The following SUCLG2 variants were observed in gnomAD, a reference collection of about 807,000 sequenced individuals.
SUCLG2 encodes the protein succinate--CoA ligase [GDP-forming] subunit beta, mitochondrial.
Under a neutral mutation model 47.9 loss-of-function variants are expected in SUCLG2, and 42 were observed. The ratio of observed to expected loss-of-function variants is 0.88; its 90% confidence interval spans 0.69 to 1.14. SUCLG2 has a LOEUF of 1.14. SUCLG2 is among the 50% of genes most tolerant of loss of function. The probability of loss-of-function intolerance (pLI) is 0.00; values close to 1 mark genes in which losing one functional copy is unlikely to be tolerated. For missense variants in SUCLG2, 571 were observed against 525.9 expected (o/e 1.09, Z -0.84); for synonymous variants, 195 against 197.3 (o/e 0.99, Z 0.10).
intron 9 of SUCLG2, among the ~76,000 whole-genome samples, chr3:67,458,264 A>G (rs977362310): frequency 6.6e-6 from 1 of 152,194 alleles, no homozygotes. Context: ...GTGGTTTGCT[A>G]TGCAGAAATA....
At chr3:67,648,632 G>A (rs1467387173) in intron 1 of SUCLG2, among the ~76,000 whole-genome samples, 2 of 152,162 alleles carry the variant, frequency 1.3e-5, no homozygotes, top group African/African-American at 2.4e-5. Context: ...CAGTGATGTT[G>A]TAAGGGTTAA....
intron 2 of SUCLG2, among the ~76,000 whole-genome samples, chr3:67,563,909 G>A (rs1314223747): frequency 6.8e-6 from 1 of 147,554 alleles, no homozygotes; most frequent in African/African-American, 2.5e-5. Flanking sequence ...GCAGTGAGCG[G>A]AGATCTCGCT....
chr3:67,499,848 C>T (rs867024754), intron 7 of SUCLG2, among the ~76,000 whole-genome samples: 2 of 152,082 alleles, frequency 1.3e-5, no homozygotes, highest in South Asian at 4.2e-4. Flanking sequence ...TCTCCTGCCT[C>T]AGTCTCCCAA....
At chr3:67,644,004 T>C (rs1701148035) in intron 1 of SUCLG2, among the ~76,000 whole-genome samples, 1 of 152,184 alleles carries the variant, frequency 6.6e-6, no homozygotes, top group Admixed American at 6.5e-5. Context: ...TGTGCTGCAT[T>C]TGACCCACTG....
intron 7 of SUCLG2, among the ~76,000 whole-genome samples, chr3:67,498,713 T>C (rs62256398): frequency 0.022 from 3,420 of 152,330 alleles, 56 homozygotes; most frequent in Non-Finnish European, 0.037. Flanking sequence ...TTTTGTCCCC[T>C]ATTGTCCTTT....
At chr3:67,542,002 G>A (rs1290292638) in intron 2 of SUCLG2, among the ~76,000 whole-genome samples, 1 of 151,728 alleles carries the variant, frequency 6.6e-6, no homozygotes, top group African/African-American at 2.4e-5. Flanking sequence ...CCAAGTAGCT[G>A]AGCTGGGATT....
intron 2 of SUCLG2, among the ~76,000 whole-genome samples, chr3:67,550,495 C>A (rs921669731): frequency 6.6e-6 from 1 of 152,108 alleles, no homozygotes; most frequent in Non-Finnish European, 1.5e-5. Flanking sequence ...CACAAGTGCA[C>A]ACCACCATGC....
intron 9 of SUCLG2, among the ~76,000 whole-genome samples, chr3:67,446,776 A>C (rs934419319): frequency 1.1e-4 from 17 of 151,958 alleles, no homozygotes; most frequent in African/African-American, 3.9e-4. Context: ...CACTCAAAGA[A>C]TGTTGGTCAT....
intron 2 of SUCLG2, among the ~76,000 whole-genome samples, chr3:67,566,220 A>G (rs1280260476): frequency 6.6e-6 from 1 of 152,210 alleles, no homozygotes; most frequent in Non-Finnish European, 1.5e-5. Flanking sequence ...TCACAAAGTT[A>G]TATTTTTACT....
intron 7 of SUCLG2, 152 bp downstream of exon 7, chr3:67,508,655 C>T (rs1705704984): frequency 6.4e-6 from 4 of 627,620 alleles, no homozygotes; most frequent in Admixed American, 3.2e-5. Flanking sequence ...AAATGTTCAA[C>T]TGCATCATGG....
At chr3:67,521,498 T>G (rs1047533387) in intron 4 of SUCLG2, among the ~76,000 whole-genome samples, 5 of 152,208 alleles carry the variant, frequency 3.3e-5, no homozygotes, top group African/African-American at 1.2e-4. Context: ...AAACCACTGC[T>G]GACATTCTAG....
At chr3:67,488,713 A>C (rs758184098) in intron 9 of SUCLG2, among the ~76,000 whole-genome samples, 14 of 152,218 alleles carry the variant, frequency 9.2e-5, no homozygotes, top group Non-Finnish European at 1.3e-4. Context: ...TAATTGTTGC[A>C]TTCAATGCTT....
intron 9 of SUCLG2, among the ~76,000 whole-genome samples, chr3:67,421,315 T>C (rs900185414): frequency 1.3e-5 from 2 of 152,148 alleles, no homozygotes; most frequent in African/African-American, 4.8e-5. Context: ...CAGTATAACA[T>C]GACCCTAGAC....
In SUCLG2 at chr3:67,375,242, G is replaced by A; in HGVS notation, c.*502C>T. The A allele has an allele frequency of 1.0e-6, 1 of 985,840 alleles. No homozygotes were observed. Among genetic ancestry groups the A allele is most frequent in the South Asian group, 4.7e-5 (1 of 21,284 alleles). The allele number at this position is 985,840 out of a possible 1,614,324, so 61.1% of individuals were successfully genotyped here. A position where few individuals can be genotyped will look rare whatever the true frequency, so the allele number is the denominator to read the frequency against. ...GTAAAATCTGCAGTAGTGTGTAATA[G>A]CTATTTGCTTGAATGTCTTAGCAGT... On this transcript the variant is annotated 3_prime_UTR_variant, in exon 11 of 11. Coordinates refer to ENST00000307227, the MANE Select transcript of SUCLG2 (RefSeq NM_003848.4).
intron 6 of SUCLG2, among the ~76,000 whole-genome samples, chr3:67,512,289 T>C (rs1178011768): frequency 6.6e-6 from 1 of 151,246 alleles, no homozygotes; most frequent in East Asian, 1.9e-4. Flanking sequence ...TATAATTTCT[T>C]CCATTTTTTT....
At chr3:67,474,986 A>G (rs558742817) in intron 9 of SUCLG2, among the ~76,000 whole-genome samples, 5 of 135,180 alleles carry the variant, frequency 3.7e-5, no homozygotes, top group Admixed American at 2.5e-4. Context: ...TCCAACCCTT[A>G]TTTCCTTTCC....
intron 9 of SUCLG2, among the ~76,000 whole-genome samples, chr3:67,459,666 T>A (rs1049644723): frequency 3.9e-5 from 6 of 152,208 alleles, no homozygotes; most frequent in Non-Finnish European, 8.8e-5. Context: ...ATAAATTAGT[T>A]GAGAATTGTA....
intron 9 of SUCLG2, among the ~76,000 whole-genome samples, chr3:67,466,586 T>C (rs895676215): frequency 6.6e-6 from 1 of 152,182 alleles, no homozygotes; most frequent in Admixed American, 6.5e-5. Context: ...ATTACTAACA[T>C]GGAAAAGCAG....
intron 2 of SUCLG2, among the ~76,000 whole-genome samples, chr3:67,600,513 G>A (rs1708396625): frequency 6.6e-6 from 1 of 152,196 alleles, no homozygotes; most frequent in Non-Finnish European, 1.5e-5. Flanking sequence ...TGGGATGGGA[G>A]CTCTGTTCTG....
Sources: allele counts gnomAD v4.1 joint callset (sites outside exome capture counted in the v4.1 genomes callset), GRCh38; gene constraint gnomAD v4.1.1; transcripts MANE v1.5; gene names NCBI Gene and HGNC (gene_info 2026-07-23, HGNC 2026-07-21).